The following WWOX variants were observed in gnomAD, a reference collection of about 807,000 sequenced individuals.
WWOX encodes the protein WW domain-containing oxidoreductase.
A neutral mutation model predicts 46.2 loss-of-function variants in WWOX; 69 were observed. The ratio of observed to expected loss-of-function variants is 1.49; its 90% CI spans 1.23 to 1.82. The LOEUF (loss-of-function observed/expected upper bound fraction) is 1.82. WWOX is among the 40% of genes most tolerant of loss of function. The pLI is 0.00. For synonymous variants in WWOX, 359 were observed against 202.6 expected (o/e 1.77, Z -6.56); for missense variants, 919 against 542.6 (o/e 1.69, Z -6.89).
intron 3 of WWOX, among the ~76,000 whole-genome samples, chr16:78,114,526 T>A (rs2032670350): frequency 6.6e-6 from 1 of 152,236 alleles, no homozygotes; most frequent in Admixed American, 6.5e-5. Context: ...TTGGCAGGTT[T>A]CTTATTTACA....
intron 8 of WWOX, among the ~76,000 whole-genome samples, chr16:78,762,894 C>G (rs1465208910): frequency 3.9e-5 from 6 of 152,178 alleles, no homozygotes; most frequent in African/African-American, 1.2e-4. Flanking sequence ...AGTTAACACC[C>G]AGTTTGGTAA....
chr16:78,956,803 A>C (rs1194614965), intron 8 of WWOX, among the ~76,000 whole-genome samples: 1 of 152,210 alleles, frequency 6.6e-6, no homozygotes, highest in East Asian at 1.9e-4. Context: ...CAAAGAGGGC[A>C]ACAGGAGGTC....
At chr16:78,899,807 G>C (rs1392682745) in intron 8 of WWOX, among the ~76,000 whole-genome samples, 1 of 152,164 alleles carries the variant, frequency 6.6e-6, no homozygotes, top group East Asian at 1.9e-4. Context: ...TTGTGTTGTA[G>C]CTTGGAAAAC....
chr16:79,193,723 T>A (rs148725570), intron 8 of WWOX, among the ~76,000 whole-genome samples: 1 of 152,230 alleles, frequency 6.6e-6, no homozygotes, highest in Non-Finnish European at 1.5e-5. Context: ...GAGAGGAAAG[T>A]CCCCACTTGG....
At chr16:79,177,388 G>C (rs1167067180) in intron 8 of WWOX, among the ~76,000 whole-genome samples, 4 of 140,692 alleles carry the variant, frequency 2.8e-5, no homozygotes, top group Non-Finnish European at 6.2e-5. Context: ...TCCCTCCGTG[G>C]CTGGGTTTGG....
chr16:79,029,817 C>G (rs1474127267), intron 8 of WWOX, among the ~76,000 whole-genome samples: 1 of 152,170 alleles, frequency 6.6e-6, no homozygotes, highest in African/African-American at 2.4e-5. Flanking sequence ...AGTATAAAGA[C>G]TGTAGATTCA....
intron 8 of WWOX, among the ~76,000 whole-genome samples, chr16:78,932,069 G>C (rs958577855): frequency 2.0e-5 from 3 of 152,208 alleles, no homozygotes; most frequent in Admixed American, 1.3e-4. Flanking sequence ...CTGTGAGTCC[G>C]TTAAACCTCT....
chr16:78,286,196 C>T (rs537562436), intron 5 of WWOX, among the ~76,000 whole-genome samples: 15 of 152,306 alleles, frequency 9.8e-5, no homozygotes, highest in East Asian at 1.9e-4. Context: ...TTTCACAAGG[C>T]GAAAATCCAA....
At chr16:78,751,187 A>C (rs970992313) in intron 8 of WWOX, among the ~76,000 whole-genome samples, 14 of 152,112 alleles carry the variant, frequency 9.2e-5, no homozygotes, top group African/African-American at 3.4e-4. Context: ...CTACATATAA[A>C]AGACAGATGT....
chr16:79,206,305 G>A (rs939653880), intron 8 of WWOX: 3 of 152,142 alleles, frequency 2.0e-5, no homozygotes, highest in African/African-American at 7.2e-5. Flanking sequence ...TGAGGAAATG[G>A]GCCACGTGCA....
intron 5 of WWOX, among the ~76,000 whole-genome samples, chr16:78,255,739 A>G (rs1390275492): frequency 1.3e-5 from 2 of 152,208 alleles, no homozygotes; most frequent in African/African-American, 2.4e-5. Context: ...TTGAACATCC[A>G]CAATAGCCAG....
At chr16:78,569,712 T>TA (rs1266903262) in intron 8 of WWOX, among the ~76,000 whole-genome samples, 10 of 152,260 alleles carry the variant, frequency 6.6e-5, no homozygotes, top group Admixed American at 2.0e-4. Flanking sequence ...GCAATAACGA[T>TA]ACTAATTTCA....
chr16:78,610,990 A>G (rs1597345187), intron 8 of WWOX, among the ~76,000 whole-genome samples: 1 of 152,168 alleles, frequency 6.6e-6, no homozygotes, highest in Non-Finnish European at 1.5e-5. Context: ...CAACAACAAC[A>G]ACAAAAAACC....
intron 8 of WWOX, among the ~76,000 whole-genome samples, chr16:78,696,541 C>T (rs1238279678): frequency 3.3e-5 from 5 of 152,150 alleles, no homozygotes; most frequent in Non-Finnish European, 4.4e-5. Context: ...GCCACAGCAG[C>T]GAGCTGCAGC....
At chr16:79,125,073 T>G (rs2150683679) in intron 8 of WWOX, among the ~76,000 whole-genome samples, 1 of 152,002 alleles carries the variant, frequency 6.6e-6, no homozygotes, top group Admixed American at 6.6e-5. Context: ...AGGGATAAAT[T>G]TCTCCCAAAC....
intron 8 of WWOX, among the ~76,000 whole-genome samples, chr16:78,471,758 G>C (rs1021689045): frequency 3.9e-5 from 6 of 152,186 alleles, no homozygotes; most frequent in Admixed American, 3.9e-4. Flanking sequence ...CTAGGCTAGA[G>C]TTTCTCTTAA....
intron 8 of WWOX, among the ~76,000 whole-genome samples, chr16:78,829,798 T>A (rs1049028239): frequency 6.6e-6 from 1 of 152,166 alleles, no homozygotes; most frequent in Non-Finnish European, 1.5e-5. Flanking sequence ...TAGCCAAAAT[T>A]GGAACTCCTA....
At chr16:78,731,829 A>G (rs1403584293) in intron 8 of WWOX, among the ~76,000 whole-genome samples, 2 of 146,550 alleles carry the variant, frequency 1.4e-5, no homozygotes, top group Admixed American at 1.4e-4. Flanking sequence ...CCCCAATGCC[A>G]ATTTTTTTTC....
intron 5 of WWOX, chr16:78,265,883 C>T (rs2079352284): frequency 6.6e-6 from 1 of 152,098 alleles, no homozygotes. Flanking sequence ...AATGCTTGGC[C>T]TAATATACAT....
Sources: gnomAD v4.1 joint callset for allele counts (sites outside exome capture counted in the v4.1 genomes callset) on GRCh38, gnomAD v4.1.1 for gene constraint, MANE v1.5 for transcripts, NCBI Gene and HGNC (gene_info 2026-07-23, HGNC 2026-07-21) for gene names.